The following PIEZO1 variants were observed in gnomAD, a reference collection of about 807,000 sequenced individuals.
PIEZO1 encodes piezo-type mechanosensitive ion channel component 1.
PIEZO1 carries 296 observed loss-of-function variants against 297.2 expected under a neutral mutation model. The ratio of observed to expected loss-of-function variants is 1.00; its 90% confidence interval spans 0.91 to 1.10. The LOEUF (loss-of-function observed/expected upper bound fraction) is 1.10. Among genes scored for constraint, PIEZO1 ranks in the 50% least tolerant of loss-of-function variants. The pLI is 0.00. For synonymous variants in PIEZO1, 2,427 were observed against 1,507.5 expected (o/e 1.61, Z -14.13); for missense variants, 5,018 against 3,455.5 (o/e 1.45, Z -11.34).
intron 2 of PIEZO1, chr16:88,742,663 G>A (rs909470093): frequency 2.9e-5 from 15 of 510,892 alleles, no homozygotes; most frequent in Non-Finnish European, 4.5e-5. Context: ...ATGGGCCTGG[G>A]GCCCACAGGC....
intron 2 of PIEZO1, chr16:88,743,036 G>A (rs1905793167): frequency 6.6e-6 from 3 of 456,232 alleles, no homozygotes; most frequent in South Asian, 4.6e-5. Flanking sequence ...ACCAGGTCAG[G>A]CCCCAGACCG....
chr16:88,724,349 G>A (rs1264099152), intron 30 of PIEZO1, among the ~76,000 whole-genome samples: 5 of 152,220 alleles, frequency 3.3e-5, no homozygotes, highest in Non-Finnish European at 5.9e-5. Context: ...TGGCCAATAT[G>A]GTGAAACCCC....
Position 88,716,852 on chromosome 16 carries a change from G to C in PIEZO1, c.6707C>G (p.Thr2236Arg). The part of the protein sequence containing the change: ...SAQQPSIIPF[T>R]AQAYEELSRQ... ...GGACAGCTCCTCATAGGCCTGGGCC[G>C]TGAAGGGGATGATGGACGGCTGCTG... Residue 2236 changes from threonine (T) to arginine (R), a missense_variant, in exon 46 of 51, where the codon ACG becomes AGG. Coordinates refer to ENST00000301015, the MANE Select transcript of PIEZO1 (RefSeq NM_001142864.4). 1.9e-6 allele frequency: 3 copies of C among 1,550,144 alleles called. No homozygotes were observed. The highest frequency in any genetic ancestry group is 1.7e-6 in the Non-Finnish European group (2 of 1,146,964).
chr16:88,773,681 C>A (rs936004985), intron 1 of PIEZO1, among the ~76,000 whole-genome samples: 4 of 147,492 alleles, frequency 2.7e-5, no homozygotes, highest in African/African-American at 8.0e-5. Flanking sequence ...CAGCTGCCTA[C>A]TGGGTGACAG....
chr16:88,747,437 A>G (rs2142857986), intron 2 of PIEZO1, among the ~76,000 whole-genome samples: 1 of 150,284 alleles, frequency 6.7e-6, no homozygotes, highest in South Asian at 2.1e-4. Flanking sequence ...AATCGCTTGA[A>G]CCCGCGAGGC....
chr16:88,779,877 G>A (rs749560635), intron 1 of PIEZO1, among the ~76,000 whole-genome samples: 4 of 152,202 alleles, frequency 2.6e-5, no homozygotes, highest in Non-Finnish European at 4.4e-5. Context: ...CTGGCCCCAC[G>A]ATTGTGCGAG....
chr16:88,721,016 C>T, intron 39 of PIEZO1, 150 bp downstream of exon 39: 2 of 863,234 alleles, frequency 2.3e-6, no homozygotes, highest in Non-Finnish European at 3.5e-6. Context: ...GTAGGCAGAG[C>T]CGGGAGCTGT....
rs9935872 is a variant in PIEZO1, at chr16:88,722,069, A to G, written c.4956-3T>C. The G allele has an allele frequency of 0.88, 1,351,597 of 1,543,700 alleles. 592,356 individuals carry two copies. The highest frequency in any genetic ancestry group is 0.91 in the East Asian group (37,136 of 40,770). On this transcript the variant is annotated splice_region_variant and splice_polypyrimidine_tract_variant and intron_variant, in intron 36 of 50. Transcript: ENST00000301015. ...CCAGCTCTGGGATGCGCAGGCGCCT[A>G]CAGGGAGACCCGCGTGTTTGGGGGA...
At chr16:88,733,805 G>T in intron 17 of PIEZO1, 60 bp from the exon 18 acceptor site, 1 of 1,476,316 alleles carries the variant, frequency 6.8e-7, no homozygotes. Flanking sequence ...CCCCTGTGAG[G>T]AAGAGGCTCT....
At chr16:88,722,720 C>T (rs748804094) in intron 34 of PIEZO1, 31 bp from the exon 35 acceptor site, 38 of 1,530,350 alleles carry the variant, frequency 2.5e-5, no homozygotes, top group Middle Eastern at 1.7e-4. Flanking sequence ...CTCAGGGCTG[C>T]GTCCAGCTCT....
In PIEZO1 at chr16:88,732,440, A is replaced by C; in HGVS notation, c.2886T>G (p.Pro962=). 6.5e-7 allele frequency: 1 copy of C among 1,549,642 alleles called. No homozygotes were observed. Among genetic ancestry groups the C allele is most frequent in the Middle Eastern group, 1.7e-4 (1 of 5,986 alleles). The change falls in exon 21 of 51, where the codon CCT becomes CCG. Residue 962 remains proline, a synonymous_variant. Coordinates refer to ENST00000301015, the MANE Select transcript of PIEZO1 (RefSeq NM_001142864.4). ...YRRQHQLAPL[P]AQAVFASGTR... ...TGCCGCTGGCAAACACGGCCTGGGC[A>C]GGCAGCGGGGCCAGCTGGTGCTGCC...
intron 44 of PIEZO1, chr16:88,718,001 T>G: frequency 6.0e-6 from 2 of 333,292 alleles, no homozygotes; most frequent in Non-Finnish European, 1.2e-5. Context: ...GAGAATCGCT[T>G]GAACCTGGGA....
chr16:88,763,878 C>T (rs906464769), intron 1 of PIEZO1, among the ~76,000 whole-genome samples: 2 of 152,180 alleles, frequency 1.3e-5, no homozygotes, highest in African/African-American at 2.4e-5. Flanking sequence ...GGCAGCTCTC[C>T]GGGCTCTGTG....
Position 88,735,315 on chromosome 16 carries a change from G to A in PIEZO1, c.1558-69C>T, listed in dbSNP as rs1905137684. 4 of 1,113,642 alleles carry A rather than the reference G, an allele frequency of 3.6e-6. No individual in the cohort carries two copies. The Admixed American group carries it at 6.0e-5, about 17-fold the overall frequency. 69.0% of individuals were successfully genotyped at this position (1,113,642 alleles called of 1,614,324 possible). A position where few individuals can be genotyped will look rare whatever the true frequency, so the allele number is the denominator to read the frequency against. ...ACCCCTCCCACAGCCGGGGGACCCA[G>A]CACCCTCCTATAGCAGGGGGCAAGA... On this transcript the variant is annotated intron_variant, in intron 12 of 50. Coordinates refer to ENST00000301015, the MANE Select transcript of PIEZO1 (RefSeq NM_001142864.4).
At chr16:88,752,020 G>T (rs1298033818) in intron 1 of PIEZO1, among the ~76,000 whole-genome samples, 5 of 152,254 alleles carry the variant, frequency 3.3e-5, no homozygotes, top group Admixed American at 6.5e-5. Context: ...AGGTCCTGGG[G>T]ATGAAGGTCA....
At chr16:88,757,205 C>T (rs932081215) in intron 1 of PIEZO1, among the ~76,000 whole-genome samples, 3 of 151,922 alleles carry the variant, frequency 2.0e-5, no homozygotes, top group East Asian at 1.9e-4. Context: ...GCTGAGCCCT[C>T]GGAGCCGGGG....
rs1372594771 is a variant in PIEZO1, at chr16:88,726,663, G to C, written c.3700-20C>G. The stretch of plus-strand genomic sequence containing the variant: ...CAGGAGCTGGGGGAGAGCAGGGTCA[G>C]CGGGGCCAGCGGGGCCCCAGGGCGG... On this transcript the variant is annotated intron_variant, in intron 25 of 50. Transcript: ENST00000301015. The C allele has an allele frequency of 1.3e-6, 2 of 1,546,646 alleles. No homozygotes were observed. The highest frequency in any genetic ancestry group is 1.7e-6 in the Non-Finnish European group (2 of 1,144,514).
At chr16:88,746,332 G>A (rs1314087881) in intron 2 of PIEZO1, among the ~76,000 whole-genome samples, 1 of 152,178 alleles carries the variant, frequency 6.6e-6, no homozygotes, top group East Asian at 1.9e-4. Context: ...CAGTCTTGGA[G>A]GTGGGTTTTA....
chr16:88,771,876 T>C (rs1297742183), intron 1 of PIEZO1, among the ~76,000 whole-genome samples: 21 of 19,058 alleles, frequency 1.1e-3, no homozygotes, highest in African/African-American at 4.8e-3. Context: ...TGAGACTCTA[T>C]GCCCGTCCAC....
Sources: gnomAD v4.1 joint callset for allele counts (sites outside exome capture counted in the v4.1 genomes callset) on GRCh38, gnomAD v4.1.1 for gene constraint, MANE v1.5 for transcripts, NCBI Gene and HGNC (gene_info 2026-07-23, HGNC 2026-07-21) for gene names.